Variants in ADAM32 observed in about 807,000 individuals in gnomAD.
ADAM32 encodes ADAM metallopeptidase domain 32, also known as disintegrin and metalloproteinase domain-containing protein 32.
Under a neutral mutation model 114.9 loss-of-function variants are expected in ADAM32, and 89 were observed. That is an observed-to-expected ratio of 0.77 (90% CI 0.65 to 0.92). The LOEUF is 0.92. Ranked by LOEUF, ADAM32 falls within the 40% of genes least tolerant of loss-of-function variation. The pLI, the probability that ADAM32 is intolerant of heterozygous loss-of-function variation, is 0.00. For missense variants in ADAM32, 870 were observed against 932.8 expected, an observed-to-expected ratio of 0.93 and a Z score of 0.88; for synonymous variants, 285 against 307.5, an observed-to-expected ratio of 0.93 and a Z score of 0.77.
At position 39,107,961 on chromosome 8, in the gene ADAM32, C is replaced by T. The variant is rs932663570; in HGVS notation, c.58+128C>T. The T allele has an allele frequency of 2.0e-5, 26 of 1,291,034 alleles. No individual in the cohort carries two copies. The East Asian group carries it at 6.9e-4, about 34-fold the overall frequency. The allele number at this position is 1,291,034 out of a possible 1,614,324, so 80.0% of individuals were successfully genotyped here. On this transcript the variant is annotated intron_variant, in intron 1 of 24. Coordinates refer to ENST00000379907, the MANE Select transcript of ADAM32 (RefSeq NM_145004.7). ...GTCACCCTGGCAACGGGGCCTTTTC[C>T]AGGGGATTAGGCGCCCCGTCCGGAT...
At chr8:39,136,600 T>C (rs1802818127) in intron 2 of ADAM32, 57 bp from the exon 3 acceptor site, 1 of 1,102,146 alleles carries the variant, frequency 9.1e-7, no homozygotes, top group Admixed American at 3.0e-5. Context: ...TATAAAACTG[T>C]TGTTTTGCTT....
rs373288693 is a variant in ADAM32 at position 39,223,093 on chromosome 8, C to T, written c.1380C>T (p.Ile460=). ...CGAAAGCACATCCTGAATGTGACAT[C>T]GCTGAAAATTGTAATGGAACCTCAC... ...CRPKAHPECD[I]AENCNGTSPE... is the part of the protein sequence containing the mutation. The change falls in exon 14 of 25, where the codon ATC becomes ATT. Residue 460 remains isoleucine, a synonymous_variant. Transcript: ENST00000379907. 12 of 1,590,296 alleles carry T rather than the reference C, an allele frequency of 7.5e-6. No homozygotes were observed. Among genetic ancestry groups the T allele is most frequent in the African/African-American group, 4.1e-5 (3 of 73,788 alleles).
At chr8:39,236,698 G>C (rs1454287117) in intron 16 of ADAM32, among the ~76,000 whole-genome samples, 2 of 151,998 alleles carry the variant, frequency 1.3e-5, no homozygotes, top group Non-Finnish European at 2.9e-5. Context: ...TTACATTATG[G>C]TTACCTGGAA....
intron 17 of ADAM32, among the ~76,000 whole-genome samples, chr8:39,250,270 CTT>C (rs199941796): frequency 6.8e-6 from 1 of 146,650 alleles, no homozygotes. Flanking sequence ...TTTTTTCAAC[CTT>C]TTTTTTTTGA....
intron 19 of ADAM32, among the ~76,000 whole-genome samples, chr8:39,263,863 T>C (rs1314499127): frequency 6.6e-6 from 1 of 152,226 alleles, no homozygotes; most frequent in Non-Finnish European, 1.5e-5. Flanking sequence ...TTATTATGTG[T>C]ATCAATAGTT....
intron 19 of ADAM32, among the ~76,000 whole-genome samples, chr8:39,268,705 T>C (rs1448318201): frequency 6.6e-6 from 1 of 152,244 alleles, no homozygotes; most frequent in Non-Finnish European, 1.5e-5. Context: ...TGATTTCTTC[T>C]AAAAGTTTCA....
Position 39,186,992 on chromosome 8 carries a change from C to A in ADAM32, c.999C>A (p.Asp333Glu). The part of the protein sequence containing the change: ...LALSLGISYD[D>E]PKKCQCSEST... Reference sequence around the variant, plus strand: ...TCAGTCTGGGAATATCATATGACGACCCAAAGAAATGTCAATGTTCAGAAT... The same window carrying A: ...TCAGTCTGGGAATATCATATGACGAACCAAAGAAATGTCAATGTTCAGAAT... The change falls in exon 11 of 25, where the codon GAC becomes GAA. Residue 333 changes from aspartate to glutamate, a missense_variant. Physicochemically the swap from Asp to Glu is conservative, Grantham distance 45. Transcript: ENST00000379907. 1 of 1,613,074 alleles carries A rather than the reference C, an allele frequency of 6.2e-7. No homozygotes were observed. Among genetic ancestry groups the A allele is most frequent in the African/African-American group, 1.3e-5 (1 of 74,976 alleles).
chr8:39,203,173 G>A (rs528864341), intron 11 of ADAM32, among the ~76,000 whole-genome samples: 2 of 152,126 alleles, frequency 1.3e-5, no homozygotes, highest in Non-Finnish European at 2.9e-5. Context: ...CTGAGTTCAA[G>A]TCCTGGATAT....
At chr8:39,226,137 AAAAG>A (rs1809355796) in intron 14 of ADAM32, among the ~76,000 whole-genome samples, 1 of 152,172 alleles carries the variant, frequency 6.6e-6, no homozygotes, top group African/African-American at 2.4e-5. Context: ...TTCACAAAGC[AAAAG>A]AAAGATCTGT....
At chr8:39,183,533 C>T (rs1354170097) in intron 10 of ADAM32, among the ~76,000 whole-genome samples, 2 of 152,192 alleles carry the variant, frequency 1.3e-5, no homozygotes, top group Non-Finnish European at 2.9e-5. Flanking sequence ...AGCAACTTAT[C>T]TAGCAATTCC....
At chr8:39,249,387 C>T (rs182181905) in intron 17 of ADAM32, among the ~76,000 whole-genome samples, 171 of 152,260 alleles carry the variant, frequency 1.1e-3, no homozygotes, top group Admixed American at 2.5e-3. Context: ...ATTGTTGAAT[C>T]TGATTTACTA....
At chr8:39,231,257 TGAG>T (rs1391937000) in intron 14 of ADAM32, among the ~76,000 whole-genome samples, 2 of 152,160 alleles carry the variant, frequency 1.3e-5, no homozygotes, top group Admixed American at 6.5e-5. Flanking sequence ...TGCTGTGTTC[TGAG>T]GTGCCATGTG....
At chr8:39,238,873 A>C (rs895784072) in intron 16 of ADAM32, among the ~76,000 whole-genome samples, 35 of 151,962 alleles carry the variant, frequency 2.3e-4, no homozygotes, top group Non-Finnish European at 3.1e-4. Flanking sequence ...CACAGACAAA[A>C]AAAATAAAAA....
intron 14 of ADAM32, chr8:39,223,459 C>G (rs148102698): frequency 2.4e-5 from 6 of 247,636 alleles, no homozygotes; most frequent in Non-Finnish European, 4.5e-5. Context: ...CAAACATATA[C>G]GCGCTAATTC....
chr8:39,218,735 C>G (rs927729737), intron 12 of ADAM32, among the ~76,000 whole-genome samples: 1 of 152,088 alleles, frequency 6.6e-6, no homozygotes, highest in Non-Finnish European at 1.5e-5. Context: ...TGTGGGTGTG[C>G]AAGGCCTGGG....
chr8:39,136,855 G>A, intron 3 of ADAM32, 137 bp downstream of exon 3: 1 of 627,112 alleles, frequency 1.6e-6, no homozygotes, highest in East Asian at 3.4e-5. Flanking sequence ...ATGCTGTCCT[G>A]TGACTTAATT....
At chr8:39,163,254 C>T (rs959757593) in intron 7 of ADAM32, among the ~76,000 whole-genome samples, 2 of 152,124 alleles carry the variant, frequency 1.3e-5, no homozygotes, top group Non-Finnish European at 2.9e-5. Flanking sequence ...TTGAAGCCAA[C>T]AGATCAGTAG....
At chr8:39,228,009 G>A (rs537413899) in intron 14 of ADAM32, among the ~76,000 whole-genome samples, 6 of 152,328 alleles carry the variant, frequency 3.9e-5, no homozygotes, top group African/African-American at 9.6e-5. Context: ...AGAAGACTCT[G>A]TGCAGACACC....
chr8:39,248,626 T>C (rs1277506587), intron 17 of ADAM32, among the ~76,000 whole-genome samples: 1 of 152,182 alleles, frequency 6.6e-6, no homozygotes, highest in Non-Finnish European at 1.5e-5. Context: ...TTATGTCATA[T>C]ATGAACAAAG....
Sources: allele counts gnomAD v4.1 joint callset (sites outside exome capture counted in the v4.1 genomes callset), GRCh38; gene constraint gnomAD v4.1.1; transcripts MANE v1.5; gene names NCBI Gene and HGNC (gene_info 2026-07-23, HGNC 2026-07-21).